APP: variants seen among roughly 807,000 people sequenced by gnomAD.
APP encodes the protein amyloid beta precursor protein.
A neutral mutation model predicts 101.4 loss-of-function variants in APP; 31 were observed. That is an observed-to-expected ratio of 0.31 (90% CI 0.23 to 0.41). The LOEUF (loss-of-function observed/expected upper bound fraction) is 0.41, where lower values mean the gene tolerates loss of function less well. Among genes scored for constraint, APP ranks in the 10% least tolerant of loss-of-function variants. APP has a pLI of 1.00. For synonymous variants in APP, 366 were observed against 364.4 expected, an observed-to-expected ratio of 1.00 and a Z score of -0.05; for missense variants, 839 against 1,003.7, an observed-to-expected ratio of 0.84 and a Z score of 2.22.
chr21:26,038,512 C>A (rs2045226206), intron 5 of APP, among the ~76,000 whole-genome samples: 1 of 152,120 alleles, frequency 6.6e-6, no homozygotes, highest in Non-Finnish European at 1.5e-5. Context: ...GCCTGTAATC[C>A]CAGCACTTTG....
At chr21:26,135,052 T>C (rs2062866919) in intron 1 of APP, among the ~76,000 whole-genome samples, 1 of 152,220 alleles carries the variant, frequency 6.6e-6, no homozygotes, top group South Asian at 2.1e-4. Flanking sequence ...ATCTATACAA[T>C]AGTGCCCATC....
chr21:26,102,053 A>G (rs1224604681), intron 2 of APP, among the ~76,000 whole-genome samples: 2 of 151,532 alleles, frequency 1.3e-5, no homozygotes, highest in African/African-American at 4.8e-5. Flanking sequence ...CTGGAATCCC[A>G]AAGCCTTTGG....
At chr21:26,028,948 G>C (rs1568879718) in intron 5 of APP, among the ~76,000 whole-genome samples, 1 of 152,158 alleles carries the variant, frequency 6.6e-6, no homozygotes, top group African/African-American at 2.4e-5. Flanking sequence ...GGTGGTCAGG[G>C]AAGGGCCCCA....
At chr21:26,074,810 A>T (rs2061473310) in intron 3 of APP, among the ~76,000 whole-genome samples, 1 of 152,182 alleles carries the variant, frequency 6.6e-6, no homozygotes, top group African/African-American at 2.4e-5. Context: ...ACTATTATAA[A>T]TGAATCTAAT....
intron 17 of APP, among the ~76,000 whole-genome samples, chr21:25,888,216 T>C (rs1420325033): frequency 6.6e-6 from 1 of 152,178 alleles, no homozygotes; most frequent in East Asian, 1.9e-4. Flanking sequence ...TAAAGGTATT[T>C]CCATGTACTT....
At chr21:26,071,063 T>G (rs751950944) in intron 3 of APP, among the ~76,000 whole-genome samples, 15 of 152,188 alleles carry the variant, frequency 9.9e-5, no homozygotes, top group Non-Finnish European at 1.8e-4. Context: ...AGTGAATGCA[T>G]TTGTTTAGAT....
At chr21:25,973,634 G>A (rs979238816) in intron 11 of APP, among the ~76,000 whole-genome samples, 1 of 152,016 alleles carries the variant, frequency 6.6e-6, no homozygotes, top group African/African-American at 2.4e-5. Context: ...AATATCCCTT[G>A]CTCAATGACA....
intron 5 of APP, among the ~76,000 whole-genome samples, chr21:26,042,709 C>T (rs1036156602): frequency 4.0e-5 from 6 of 151,894 alleles, no homozygotes; most frequent in Non-Finnish European, 5.9e-5. Flanking sequence ...TGAAAACAGT[C>T]TGGGCAACAT....
At chr21:26,129,235 A>G (rs1323584303) in intron 1 of APP, among the ~76,000 whole-genome samples, 3 of 152,172 alleles carry the variant, frequency 2.0e-5, no homozygotes, top group East Asian at 3.9e-4. Flanking sequence ...CACTTTGGGA[A>G]GCCGAGGCAG....
At chr21:26,059,080 C>CA (rs1256243482) in intron 3 of APP, among the ~76,000 whole-genome samples, 3,661 of 126,822 alleles carry the variant, frequency 0.029, 136 homozygotes, top group African/African-American at 0.1. Flanking sequence ...GACTCCGTCT[C>CA]AAAAAAAAAA....
chr21:26,163,958 T>C (rs938914147), intron 1 of APP, among the ~76,000 whole-genome samples: 1 of 152,248 alleles, frequency 6.6e-6, no homozygotes, highest in South Asian at 2.1e-4. Flanking sequence ...CAAATTCACT[T>C]TACTGCAGCT....
chr21:26,023,766 G>C (rs555817941), intron 5 of APP, among the ~76,000 whole-genome samples: 1 of 152,338 alleles, frequency 6.6e-6, no homozygotes, highest in South Asian at 2.1e-4. Flanking sequence ...CAGCTCCAGA[G>C]TTTCTGAATC....
At chr21:25,922,982 C>T (rs2039697719) in intron 13 of APP, among the ~76,000 whole-genome samples, 1 of 147,344 alleles carries the variant, frequency 6.8e-6, no homozygotes. Flanking sequence ...TCAAACTATA[C>T]TACAAGGCTA....
intron 2 of APP, among the ~76,000 whole-genome samples, chr21:26,102,510 TG>T (rs1418679698): frequency 1.3e-5 from 2 of 152,332 alleles, no homozygotes; most frequent in African/African-American, 4.8e-5. Flanking sequence ...ATTTTTGTTT[TG>T]TTCTATTTAT....
At chr21:26,122,236 C>T (rs1569000830) in intron 1 of APP, among the ~76,000 whole-genome samples, 3 of 152,120 alleles carry the variant, frequency 2.0e-5, no homozygotes, top group Admixed American at 6.5e-5. Flanking sequence ...AGGTAGTTAG[C>T]GGGATTTCCA....
chr21:25,965,781 TTAAA>T (rs1374953715), intron 11 of APP, among the ~76,000 whole-genome samples: 2 of 152,226 alleles, frequency 1.3e-5, no homozygotes, highest in Non-Finnish European at 2.9e-5. Context: ...TACTGGATCT[TTAAA>T]TGTGCTATTT....
At chr21:25,969,062 G>A (rs917270673) in intron 11 of APP, among the ~76,000 whole-genome samples, 1 of 151,926 alleles carries the variant, frequency 6.6e-6, no homozygotes, top group African/African-American at 2.4e-5. Context: ...AAGTCCTCAA[G>A]AAGGCATTTA....
At chr21:26,084,960 T>C (rs45473694) in intron 3 of APP, among the ~76,000 whole-genome samples, 4 of 152,368 alleles carry the variant, frequency 2.6e-5, no homozygotes, top group Non-Finnish European at 4.4e-5. Context: ...TCAATGGTAC[T>C]ACATACAAAT....
intron 3 of APP, among the ~76,000 whole-genome samples, chr21:26,054,889 G>A (rs1357698935): frequency 6.6e-6 from 1 of 152,118 alleles, no homozygotes; most frequent in Non-Finnish European, 1.5e-5. Flanking sequence ...GGGATTAAAA[G>A]CCCTAAGAAG....
Sources: allele counts gnomAD v4.1 joint callset (sites outside exome capture counted in the v4.1 genomes callset), GRCh38; gene constraint gnomAD v4.1.1; transcripts MANE v1.5; gene names NCBI Gene and HGNC (gene_info 2026-07-23, HGNC 2026-07-21).